LY6S: variants seen among roughly 807,000 people sequenced by gnomAD.
The protein encoded by LY6S is lymphocyte antigen 6 family member S, also known as lymphocyte antigen 6S.
chr8:143,057,939 G>C, the LY6S span: 3 of 560,104 alleles, frequency 5.4e-6, no homozygotes, highest in Non-Finnish European at 9.6e-6. Context: ...GGTGGTCTCA[G>C]CGTCGTCTCT....
At chr8:143,066,240 C>A in the LY6S span, 1 of 224,308 alleles carries the variant, frequency 4.5e-6, no homozygotes, top group Non-Finnish European at 8.8e-6. Flanking sequence ...GCAATCTCAG[C>A]TCACTACAAC....
chr8:143,041,926 C>G, the LY6S span, among the ~76,000 whole-genome samples: 38 of 47,646 alleles, frequency 8.0e-4, no homozygotes, highest in East Asian at 1.3e-3. Flanking sequence ...GCCGTCCACC[C>G]AGGGCGTTCT....
At chr8:143,043,015 C>T in the LY6S span, 1 of 1,367,812 alleles carries the variant, frequency 7.3e-7, no homozygotes, top group Non-Finnish European at 9.8e-7. Flanking sequence ...GCTGAAAAGC[C>T]ACACCAGAAT....
the LY6S span, chr8:143,044,646 C>T: frequency 1.5e-6 from 2 of 1,360,354 alleles, no homozygotes; most frequent in Non-Finnish European, 2.0e-6. Flanking sequence ...CCTCCCTCCC[C>T]AGAACCTGCC....
At chr8:143,068,165 A>G in the LY6S span, among the ~76,000 whole-genome samples, 2 of 152,256 alleles carry the variant, frequency 1.3e-5, no homozygotes, top group African/African-American at 4.8e-5. Flanking sequence ...GGCTTTCCGC[A>G]GTGCATTGTG....
chr8:143,071,614 G>C, the LY6S span, among the ~76,000 whole-genome samples: 164 of 152,274 alleles, frequency 1.1e-3, no homozygotes, highest in Non-Finnish European at 1.1e-3. Context: ...AGCCAAAACT[G>C]CTCAAAGAAA....
At chr8:143,072,288 T>C in the LY6S span, among the ~76,000 whole-genome samples, 1 of 150,558 alleles carries the variant, frequency 6.6e-6, no homozygotes, top group Non-Finnish European at 1.5e-5. Context: ...GGGGTTCCTG[T>C]TTGAGGAGAC....
chr8:143,076,155 A>C, the LY6S span, among the ~76,000 whole-genome samples: 1 of 152,182 alleles, frequency 6.6e-6, no homozygotes, highest in African/African-American at 2.4e-5. Context: ...TGCGCCGGGG[A>C]GACCATTCAG....
the LY6S span, among the ~76,000 whole-genome samples, chr8:143,070,481 A>ATTT: frequency 8.2e-5 from 7 of 85,418 alleles, no homozygotes; most frequent in East Asian, 4.3e-4. Context: ...ATATAAATAT[A>ATTT]TATATATATT....
chr8:143,043,520 T>C, the LY6S span, among the ~76,000 whole-genome samples: 2 of 152,142 alleles, frequency 1.3e-5, no homozygotes, highest in African/African-American at 4.8e-5. Context: ...GAACCAGGGT[T>C]GTGGCAGAAA....
the LY6S span, among the ~76,000 whole-genome samples, chr8:143,073,957 G>A: frequency 6.9e-6 from 1 of 144,690 alleles, no homozygotes; most frequent in Non-Finnish European, 1.5e-5. Context: ...GTCCCTGTTT[G>A]AGGAGACAGC....
chr8:143,045,397 C>T, the LY6S span, among the ~76,000 whole-genome samples: 3 of 152,182 alleles, frequency 2.0e-5, no homozygotes, highest in South Asian at 4.1e-4. This position sits in a 1 kb window ranked among gnomAD's most constrained non-coding sequence, Gnocchi z 5.3. Context: ...CAGAGCAGCC[C>T]TCGGACTCCT....
At chr8:143,046,156 T>C in the LY6S span, among the ~76,000 whole-genome samples, 1 of 152,076 alleles carries the variant, frequency 6.6e-6, no homozygotes, top group South Asian at 2.1e-4. Flanking sequence ...CCCAGCCCAA[T>C]TTACTCTTTA....
At chr8:143,051,886 C>A in the LY6S span, among the ~76,000 whole-genome samples, 3 of 148,516 alleles carry the variant, frequency 2.0e-5, no homozygotes, top group Non-Finnish European at 4.5e-5. Context: ...GCAGGAGAAT[C>A]ACTTGAACCC....
At chr8:143,043,305 A>G in the LY6S span, 10 of 1,243,428 alleles carry the variant, frequency 8.0e-6, no homozygotes, top group Non-Finnish European at 1.1e-5. Context: ...CTGGCAGGAG[A>G]GGAGGGAGAG....
chr8:143,061,306 A>G, the LY6S span, among the ~76,000 whole-genome samples: 1 of 152,126 alleles, frequency 6.6e-6, no homozygotes, highest in Admixed American at 6.6e-5. Context: ...GAAAAGATAC[A>G]TCATGCTGAT....
chr8:143,056,218 C>T, the LY6S span, among the ~76,000 whole-genome samples: 2 of 142,856 alleles, frequency 1.4e-5, no homozygotes, highest in African/African-American at 5.3e-5. Flanking sequence ...AAAGAGAAAC[C>T]GGCAACTAGA....
the LY6S span, chr8:143,057,173 C>T: frequency 2.9e-6 from 1 of 348,696 alleles, no homozygotes; most frequent in East Asian, 8.2e-5. Flanking sequence ...TCCAACACCC[C>T]CTTTTTTCTG....
chr8:143,043,593 C>T, the LY6S span, among the ~76,000 whole-genome samples: 3 of 152,190 alleles, frequency 2.0e-5, no homozygotes, highest in African/African-American at 7.2e-5. Context: ...TTGGGACCCC[C>T]GAAGCGGGAG....
Sources: gnomAD v4.1 joint callset for allele counts (sites outside exome capture counted in the v4.1 genomes callset) on GRCh38, gnomAD v4.1.1 for gene constraint, Gnocchi (gnomAD v3.1) non-coding constraint, MANE v1.5 for transcripts, NCBI Gene and HGNC (gene_info 2026-07-23, HGNC 2026-07-21) for gene names.